TRPS1: variants seen among roughly 807,000 people sequenced by gnomAD.
The protein encoded by TRPS1 is zinc finger transcription factor Trps1.
A neutral mutation model predicts 101.2 loss-of-function variants in TRPS1; 6 were observed. The ratio of observed to expected loss-of-function variants is 0.06; its 90% CI spans 0.03 to 0.12. The LOEUF is 0.12. Among genes scored for constraint, TRPS1 ranks in the 10% least tolerant of loss-of-function variants. The probability of loss-of-function intolerance (pLI) is 1.00; values close to 1 mark genes in which losing one functional copy is unlikely to be tolerated. For missense variants in TRPS1, 1,363 were observed against 1,567.0 expected (o/e 0.87, Z 2.20); for synonymous variants, 578 against 589.8 (o/e 0.98, Z 0.29).
intron 5 of TRPS1, among the ~76,000 whole-genome samples, chr8:115,501,386 T>G (rs528897732): frequency 6.6e-6 from 1 of 152,292 alleles, no homozygotes; most frequent in South Asian, 2.1e-4. Flanking sequence ...AAAATGATGG[T>G]ATAGTATAAT....
chr8:115,460,920 T>TA lies in TRPS1; in HGVS notation c.2701-42469dup, dbSNP rs1221518811. 2.0e-5 allele frequency among the ~76,000 whole-genome samples: 3 copies of TA among 152,308 alleles called. No homozygotes were observed. In the East Asian group the frequency reaches 5.8e-4, roughly 29 times the overall value. On this transcript the variant is annotated intron_variant, in intron 5 of 6. Transcript: ENST00000395715. Reference sequence around the variant, plus strand: ...ATTTATCTCACAGTTCAAGCTCAACTATGTTACAAATAATTAAAATATGGC... The same window carrying TA: ...ATTTATCTCACAGTTCAAGCTCAACTAATGTTACAAATAATTAAAATATGGC...
intron 5 of TRPS1, among the ~76,000 whole-genome samples, chr8:115,452,422 CA>C (rs200515797): frequency 6.0e-5 from 9 of 149,828 alleles, no homozygotes; most frequent in East Asian, 3.9e-4. Flanking sequence ...TTTCACCAAA[CA>C]AAAAAAAATA....
chr8:115,667,753 A>T, intron 1 of TRPS1: 1 of 1,345,092 alleles, frequency 7.4e-7, no homozygotes, highest in South Asian at 1.4e-5. Flanking sequence ...AAAAAGTTTG[A>T]AGCCTGCATT....
intron 5 of TRPS1, among the ~76,000 whole-genome samples, chr8:115,533,453 T>TTTTTTTTG (rs1563580844): frequency 3.0e-5 from 4 of 135,360 alleles, no homozygotes; most frequent in African/African-American, 1.1e-4. Flanking sequence ...TTTTTTTTTT[T>TTTTTTTTG]TTTTTTCCTG....
In TRPS1 at chr8:115,410,834, T is replaced by C. The variant is rs958625150; in HGVS notation, c.*3189A>G. ...GCACACAATTTTAGCTGGCACATCA[T>C]TTTCATCACAGGGGAAGCCTTTTCC... On this transcript the variant is annotated 3_prime_UTR_variant, in exon 7 of 7. Coordinates refer to ENST00000395715, the MANE Select transcript of TRPS1 (RefSeq NM_014112.5). The C allele has an allele frequency of 3.3e-5, 5 of 152,000 alleles. No individual in the cohort carries two copies. The highest frequency in any genetic ancestry group is 5.9e-5 in the Non-Finnish European group (4 of 67,994). 9.4% of individuals were successfully genotyped at this position (152,000 alleles called of 1,614,324 possible).
chr8:115,492,240 C>G (rs1815042125), intron 5 of TRPS1: 1 of 456,004 alleles, frequency 2.2e-6, no homozygotes, highest in African/African-American at 2.0e-5. Context: ...CTTTGCTAAA[C>G]AAGGACTCAG....
chr8:115,560,430 G>C (rs1384954997), intron 5 of TRPS1, among the ~76,000 whole-genome samples: 1 of 152,092 alleles, frequency 6.6e-6, no homozygotes, highest in Non-Finnish European at 1.5e-5. Context: ...ACGTTGCTAA[G>C]GTGTAAAGGG....
chr8:115,452,860 CATAT>C (rs1469935601), intron 5 of TRPS1, among the ~76,000 whole-genome samples: 3 of 152,154 alleles, frequency 2.0e-5, no homozygotes, highest in African/African-American at 7.2e-5. Context: ...AAGAGCCTGA[CATAT>C]AAAATGTCGC....
chr8:115,469,849 AAC>A (rs1280522515), intron 5 of TRPS1, among the ~76,000 whole-genome samples: 1 of 152,164 alleles, frequency 6.6e-6, no homozygotes, highest in African/African-American at 2.4e-5. Context: ...TTTTAAAACC[AAC>A]CACTATGCCA....
intron 5 of TRPS1, among the ~76,000 whole-genome samples, chr8:115,422,815 A>G (rs1586258718): frequency 6.6e-6 from 1 of 152,264 alleles, no homozygotes; most frequent in East Asian, 1.9e-4. Flanking sequence ...CTTTTCCCAC[A>G]AGCTGTCTTA....
At chr8:115,565,319 T>C (rs1378673792) in intron 5 of TRPS1, among the ~76,000 whole-genome samples, 1 of 152,100 alleles carries the variant, frequency 6.6e-6, no homozygotes, top group African/African-American at 2.4e-5. Flanking sequence ...TCAAAATTAT[T>C]TCCAAAACCC....
intron 5 of TRPS1, among the ~76,000 whole-genome samples, chr8:115,491,616 T>C (rs944828686): frequency 6.7e-6 from 1 of 149,202 alleles, no homozygotes; most frequent in African/African-American, 2.5e-5. Context: ...GAGCGAGACC[T>C]GGTAGAAAAG....
chr8:115,431,275 G>A (rs951658224), intron 5 of TRPS1, among the ~76,000 whole-genome samples: 2 of 151,852 alleles, frequency 1.3e-5, no homozygotes, highest in Non-Finnish European at 2.9e-5. Context: ...ATACACTTTT[G>A]GCACTTATAT....
intron 3 of TRPS1, among the ~76,000 whole-genome samples, chr8:115,614,820 C>A (rs1489207674): frequency 2.0e-5 from 3 of 151,998 alleles, no homozygotes; most frequent in Non-Finnish European, 4.4e-5. Context: ...AAGTAAAATT[C>A]AAGACAAGTC....
intron 4 of TRPS1, among the ~76,000 whole-genome samples, chr8:115,601,317 CTTATT>C (rs1333417034): frequency 6.6e-6 from 1 of 152,098 alleles, no homozygotes; most frequent in African/African-American, 2.4e-5. Context: ...AACTTGTCCT[CTTATT>C]TTATCTTAAA....
intron 4 of TRPS1, among the ~76,000 whole-genome samples, chr8:115,597,102 T>G (rs1817805655): frequency 6.6e-6 from 1 of 151,980 alleles, no homozygotes; most frequent in African/African-American, 2.4e-5. Context: ...TGTTTTGTTC[T>G]TTCTAAAAAA....
At chr8:115,507,584 C>A (rs1031502526) in intron 5 of TRPS1, among the ~76,000 whole-genome samples, 1 of 151,996 alleles carries the variant, frequency 6.6e-6, no homozygotes, top group Non-Finnish European at 1.5e-5. Context: ...GCACCACAGA[C>A]CCAAAGTCTC....
At chr8:115,648,947 A>C (rs2721963) in intron 1 of TRPS1, among the ~76,000 whole-genome samples, 69,092 of 151,858 alleles carry the variant, frequency 0.45, 17,685 homozygotes, top group African/African-American at 0.69. Flanking sequence ...AGTATAAATA[A>C]ACTAAGAAAT....
At chr8:115,664,078 C>T (rs2205268) in intron 1 of TRPS1, among the ~76,000 whole-genome samples, 1 of 151,968 alleles carries the variant, frequency 6.6e-6, no homozygotes, top group Non-Finnish European at 1.5e-5. Flanking sequence ...ATATTTTATA[C>T]AAACAAATGA....
Sources: allele counts gnomAD v4.1 joint callset (sites outside exome capture counted in the v4.1 genomes callset), GRCh38; gene constraint gnomAD v4.1.1; transcripts MANE v1.5; gene names NCBI Gene and HGNC (gene_info 2026-07-23, HGNC 2026-07-21).